APBA2: variants seen among roughly 807,000 people sequenced by gnomAD.
The protein encoded by APBA2 is amyloid-beta A4 precursor protein-binding family A member 2.
APBA2 carries 30 observed loss-of-function variants against 75.0 expected under a neutral mutation model. That is an observed-to-expected ratio of 0.40 (90% confidence interval 0.30 to 0.54). The LOEUF is 0.54. APBA2 is among the 20% of genes least tolerant of loss of function. The pLI, the probability that APBA2 is intolerant of heterozygous loss-of-function variation, is 0.49. For synonymous variants in APBA2, 444 were observed against 409.6 expected (o/e 1.08, Z -1.01); for missense variants, 801 against 1,016.1 (o/e 0.79, Z 2.88).
chr15:28,897,834 A>G (rs1405103968), intron 1 of APBA2, among the ~76,000 whole-genome samples: 1 of 152,200 alleles, frequency 6.6e-6, no homozygotes, highest in East Asian at 1.9e-4. Flanking sequence ...TATGGGCATT[A>G]GTGACCTTCA....
At chr15:29,108,585 GC>G in intron 13 of APBA2, 196 bp downstream of exon 13, 1 of 810,182 alleles carries the variant, frequency 1.2e-6, no homozygotes, top group Non-Finnish European at 1.9e-6. Flanking sequence ...GAAGGGGAGG[GC>G]CAGGGCATGG....
At chr15:29,010,935 A>G (rs1487854595) in intron 3 of APBA2, among the ~76,000 whole-genome samples, 1 of 152,184 alleles carries the variant, frequency 6.6e-6, no homozygotes, top group East Asian at 1.9e-4. Context: ...TAAATTCATA[A>G]TGTTGTGAAG....
At chr15:28,960,987 G>A (rs971754654) in intron 2 of APBA2, among the ~76,000 whole-genome samples, 8 of 151,648 alleles carry the variant, frequency 5.3e-5, no homozygotes, top group Non-Finnish European at 1.0e-4. Context: ...TCGAACTCCC[G>A]ACCTCAGGTG....
Position 29,113,942 on chromosome 15 carries a change from G to C in APBA2, c.2104G>C (p.Glu702Gln). ...CGTCCGTGTGGGCCACCGCATCATC[G>C]AGATCAACGGGCAGAGCGTGGTGGC... ...GGVRVGHRII[E>Q]INGQSVVATA... The change falls in exon 14 of 15, where the codon GAG becomes CAG. Residue 702 changes from glutamate to glutamine, a missense_variant. Glu to Gln is a conservative substitution (Grantham distance 29). Coordinates refer to ENST00000683413, the MANE Select transcript of APBA2 (RefSeq NM_001353788.2). The C allele has an allele frequency of 1.9e-6, 3 of 1,613,604 alleles. No homozygotes were observed. The highest frequency in any genetic ancestry group is 2.2e-5 in the East Asian group (1 of 44,862).
At chr15:29,110,486 C>A (rs2044669200) in intron 13 of APBA2, among the ~76,000 whole-genome samples, 1 of 152,224 alleles carries the variant, frequency 6.6e-6, no homozygotes, top group Non-Finnish European at 1.5e-5. Context: ...GTGAGCCCTG[C>A]AGGAGAGGCT....
chr15:29,039,613 C>T (rs921485602), intron 3 of APBA2, among the ~76,000 whole-genome samples: 4 of 152,284 alleles, frequency 2.6e-5, no homozygotes, highest in East Asian at 1.9e-4. Flanking sequence ...AGCATCCAAC[C>T]GGGGTTTAGG....
At chr15:28,911,727 CTT>C (rs1343293504) in intron 1 of APBA2, among the ~76,000 whole-genome samples, 1 of 152,210 alleles carries the variant, frequency 6.6e-6, no homozygotes, top group Non-Finnish European at 1.5e-5. Flanking sequence ...ACAGTCCCCC[CTT>C]GGCTGTGCTG....
rs529804959 is a variant in APBA2 at position 28,942,046 on chromosome 15, A to G, written c.-95+20297A>G. ...AGTGCTGGGATTACAGGCGTGAGCC[A>G]CTGCGCCTGGCCTCATAGCCATTTA... On this transcript the variant is annotated intron_variant, in intron 2 of 14. Transcript: ENST00000683413. Among the ~76,000 whole-genome samples the G allele has an allele frequency of 1.6e-3, 248 of 152,380 alleles. 1 individual carries two copies. The highest frequency in any genetic ancestry group is 5.7e-3 in the African/African-American group (238 of 41,594).
Position 29,107,597 on chromosome 15 carries a change from G to A in APBA2, c.1918-673G>A, listed in dbSNP as rs9920413. Among the ~76,000 whole-genome samples the A allele has an allele frequency of 2.6e-5, 4 of 151,796 alleles. No homozygotes were observed. The South Asian group carries it at 6.2e-4, about 24-fold the overall frequency. On this transcript the variant is annotated intron_variant, in intron 12 of 14. Transcript: ENST00000683413. ...GCTCTCGGAGCTGGCCCGGCAGAGC[G>A]TCTGCCCGATGGGCAGCCACACAGA...
At chr15:28,890,356 A>G (rs901956665) in intron 1 of APBA2, among the ~76,000 whole-genome samples, 1 of 152,172 alleles carries the variant, frequency 6.6e-6, no homozygotes, top group Admixed American at 6.5e-5. Flanking sequence ...CCTGCTGCCA[A>G]AGTCAGCTCT....
At chr15:29,038,505 A>C (rs749347320) in intron 3 of APBA2, among the ~76,000 whole-genome samples, 32 of 152,044 alleles carry the variant, frequency 2.1e-4, no homozygotes, top group Non-Finnish European at 4.1e-4. Context: ...TGCACTTTGC[A>C]ACTCTGACAG....
intron 1 of APBA2, 138 bp downstream of exon 1, chr15:28,886,416 T>A (rs954527456): frequency 1.3e-5 from 2 of 148,688 alleles, no homozygotes; most frequent in African/African-American, 4.9e-5. Flanking sequence ...CCCTCCCGAC[T>A]CAGCGTGGCT....
chr15:28,897,617 C>CAA (rs370287342), intron 1 of APBA2, among the ~76,000 whole-genome samples: 2,259 of 78,652 alleles, frequency 0.029, 187 homozygotes, highest in African/African-American at 0.11. Context: ...GATTCCGTCT[C>CAA]AAAAAAAAAA....
rs149698300 is a variant in APBA2, at chr15:29,072,604, C to G, written c.952-2317C>G. On this transcript the variant is annotated intron_variant, in intron 4 of 14. Transcript: ENST00000683413. ...CGCTGTCTGCTCCACTTGGTCAGTG[C>G]AGGGTCTACTGCAACAGAGTCTCGG... 2.0e-3 allele frequency among the ~76,000 whole-genome samples: 309 copies of G among 152,158 alleles called. 1 individual carries two copies. The highest frequency in any genetic ancestry group is 6.5e-3 in the African/African-American group (268 of 41,506).
At position 29,050,985 on chromosome 15, in the gene APBA2, A is replaced by T. The variant is rs548837340; in HGVS notation, c.-40-2860A>T. Among the ~76,000 whole-genome samples the T allele has an allele frequency of 4.9e-3, 751 of 152,222 alleles. 8 individuals are homozygous for T. The highest frequency in any genetic ancestry group is 0.017 in the African/African-American group (716 of 41,500). ...TGCCCTTTGCCGTCCTGACGTCAAG[A>T]CATGGACGTCTGGTTGCATGTTAGC... On this transcript the variant is annotated intron_variant, in intron 3 of 14. Coordinates refer to ENST00000683413, the MANE Select transcript of APBA2 (RefSeq NM_001353788.2).
intron 14 of APBA2, among the ~76,000 whole-genome samples, chr15:29,115,730 G>A (rs867561916): frequency 2.2e-4 from 34 of 152,226 alleles, no homozygotes; most frequent in African/African-American, 7.7e-4. Context: ...GAACGCCGGG[G>A]AATGGCTGAT....
At chr15:29,047,173 T>C (rs1353058575) in intron 3 of APBA2, among the ~76,000 whole-genome samples, 1 of 152,238 alleles carries the variant, frequency 6.6e-6, no homozygotes, top group Non-Finnish European at 1.5e-5. Context: ...ACAGGCGGGC[T>C]CTTTGTCTTA....
intron 9 of APBA2, among the ~76,000 whole-genome samples, chr15:29,099,111 C>T (rs2043996180): frequency 6.6e-6 from 1 of 152,158 alleles, no homozygotes; most frequent in African/African-American, 2.4e-5. Context: ...CTCAGGGAGA[C>T]AGGTGCCAGG....
chr15:28,973,550 C>T (rs1473077144), intron 2 of APBA2, among the ~76,000 whole-genome samples: 1 of 152,076 alleles, frequency 6.6e-6, no homozygotes, highest in Non-Finnish European at 1.5e-5. Context: ...TGCCACATAG[C>T]AGGGGACAGG....
Sources: allele counts gnomAD v4.1 joint callset (sites outside exome capture counted in the v4.1 genomes callset), GRCh38; gene constraint gnomAD v4.1.1; transcripts MANE v1.5; gene names NCBI Gene and HGNC (gene_info 2026-07-23, HGNC 2026-07-21).